Variants in POLR1D observed in about 807,000 individuals in gnomAD.
POLR1D encodes the protein RNA polymerase I and III subunit D, also known as DNA-directed RNA polymerases I and III subunit RPAC2.
Under a neutral mutation model 10.8 loss-of-function variants are expected in POLR1D, and 8 were observed. The ratio of observed to expected loss-of-function variants is 0.74; its 90% confidence interval spans 0.43 to 1.33. The LOEUF (loss-of-function observed/expected upper bound fraction) is 1.33. POLR1D is among the 40% of genes most tolerant of loss of function. The pLI, the probability that POLR1D is intolerant of heterozygous loss-of-function variation, is 0.01. For synonymous variants in POLR1D, 54 were observed against 57.2 expected (o/e 0.94, Z 0.25); for missense variants, 152 against 161.7 (o/e 0.94, Z 0.32).
downstream of POLR1D, among the ~76,000 whole-genome samples, chr13:27,626,583 T>G (rs371704641): frequency 6.6e-6 from 1 of 152,188 alleles, no homozygotes; most frequent in East Asian, 1.9e-4. Context: ...ACTAGGGAGA[T>G]GAATGTGAAT....
chr13:27,622,743 A>C (rs151117322), intron 1 of POLR1D, 132 bp from the exon 2 acceptor site: 3 of 646,894 alleles, frequency 4.6e-6, no homozygotes, highest in Non-Finnish European at 5.5e-6. Context: ...CAGGAAAATG[A>C]GAGGCGAATA....
chr13:27,656,233 G>A (rs970327948), intron 2 of POLR1D, among the ~76,000 whole-genome samples: 1 of 152,166 alleles, frequency 6.6e-6, no homozygotes, highest in Non-Finnish European at 1.5e-5. Context: ...GAAAAGACAA[G>A]TGGTAGACTG....
intron 2 of POLR1D, among the ~76,000 whole-genome samples, chr13:27,661,150 A>T (rs866048385): frequency 1.3e-5 from 2 of 152,296 alleles, no homozygotes; most frequent in East Asian, 3.9e-4. Flanking sequence ...AGCCTTTCCC[A>T]TGGCATGTGG....
At chr13:27,629,275 G>A (rs921194012) in intron 1 of POLR1D, among the ~76,000 whole-genome samples, 37 of 152,302 alleles carry the variant, frequency 2.4e-4, no homozygotes, top group African/African-American at 8.2e-4. Context: ...GGCTCTAGAC[G>A]TTAGCCATGT....
downstream of POLR1D, among the ~76,000 whole-genome samples, chr13:27,627,026 T>C (rs1228289544): frequency 2.6e-5 from 4 of 152,208 alleles, no homozygotes; most frequent in Non-Finnish European, 5.9e-5. Context: ...TAGTTTCCCT[T>C]AAACACGTTA....
intron 1 of POLR1D, among the ~76,000 whole-genome samples, chr13:27,635,968 T>A (rs1956121718): frequency 6.6e-6 from 1 of 152,070 alleles, no homozygotes; most frequent in South Asian, 2.1e-4. Flanking sequence ...CTGCATAATT[T>A]GTCTTCTAAA....
At chr13:27,659,935 T>TAC (rs1375539304) in intron 2 of POLR1D, among the ~76,000 whole-genome samples, 109 of 141,798 alleles carry the variant, frequency 7.7e-4, no homozygotes, top group African/African-American at 2.9e-3. Context: ...TACACACACA[T>TAC]ACACACACAC....
chr13:27,647,394 T>A (rs1478687299), intron 1 of POLR1D, among the ~76,000 whole-genome samples: 1 of 150,360 alleles, frequency 6.7e-6, no homozygotes, highest in African/African-American at 2.4e-5. Flanking sequence ...TATTATTATT[T>A]TTATTTTTTT....
At chr13:27,627,128 T>C (rs971694518), downstream of POLR1D, among the ~76,000 whole-genome samples, 3 of 152,222 alleles carry the variant, frequency 2.0e-5, no homozygotes, top group African/African-American at 4.8e-5. Context: ...ACCTTTAAAC[T>C]GGTCTCTTAG....
At chr13:27,621,752 G>A (rs2232675), upstream of POLR1D, 19,196 of 354,282 alleles carry the variant, frequency 0.054, 664 homozygotes, top group Non-Finnish European at 0.071. Flanking sequence ...GGTGAGCCGC[G>A]GGGCCGCGAG....
At chr13:27,645,910 G>C (rs1420617386) in intron 1 of POLR1D, among the ~76,000 whole-genome samples, 3 of 152,182 alleles carry the variant, frequency 2.0e-5, no homozygotes, top group Non-Finnish European at 4.4e-5. Flanking sequence ...CTAAAGAAGA[G>C]TCACTGTCAA....
At chr13:27,649,780 G>C (rs752421413) in intron 2 of POLR1D, among the ~76,000 whole-genome samples, 4 of 152,126 alleles carry the variant, frequency 2.6e-5, no homozygotes, top group African/African-American at 9.7e-5. Flanking sequence ...TGAGCACCCC[G>C]GTGCCAAAAC....
At chr13:27,665,705 A>G in exon 3 of POLR1D, 3 of 1,613,856 alleles carry the variant, frequency 1.9e-6, no homozygotes, top group Non-Finnish European at 2.5e-6. Context: ...TCCTCTTGCT[A>G]GCACCAATAA....
chr13:27,621,948 C>T lies in POLR1D; in HGVS notation c.-36C>T, dbSNP rs1011974460. 19 of 1,581,750 alleles carry T rather than the reference C, an allele frequency of 1.2e-5. No homozygotes were observed. The highest frequency in any genetic ancestry group is 1.6e-5 in the Non-Finnish European group (19 of 1,163,582). On this transcript the variant is annotated 5_prime_UTR_variant, in exon 1 of 2. Coordinates refer to ENST00000302979, the MANE Select transcript of POLR1D (RefSeq NM_015972.4). ...GCTATGGGACAGAGCCCCCGATCCG[C>T]CAGCACCACCTGAGGATCCAGAAAC...
chr13:27,644,238 T>C (rs942412446), intron 1 of POLR1D, among the ~76,000 whole-genome samples: 10 of 152,226 alleles, frequency 6.6e-5, no homozygotes, highest in African/African-American at 1.9e-4. Context: ...TGGTGCTTTA[T>C]TTCAGTTGCC....
chr13:27,659,802 C>A (rs992314916), intron 2 of POLR1D, among the ~76,000 whole-genome samples: 1 of 152,000 alleles, frequency 6.6e-6, no homozygotes, highest in African/African-American at 2.4e-5. Flanking sequence ...CTTCCCCTAC[C>A]TTCTGTTCCT....
At chr13:27,650,214 A>G (rs970972857) in intron 2 of POLR1D, 2 of 394,726 alleles carry the variant, frequency 5.1e-6, no homozygotes, top group African/African-American at 2.1e-5. Flanking sequence ...TCAGCATTCA[A>G]AGTTTTTATT....
intron 1 of POLR1D, among the ~76,000 whole-genome samples, chr13:27,630,240 T>C (rs1956060267): frequency 6.6e-6 from 1 of 152,196 alleles, no homozygotes; most frequent in Non-Finnish European, 1.5e-5. Context: ...CTGTTCATTA[T>C]GCAAGGCACT....
At chr13:27,664,742 T>C (rs1187023910) in intron 2 of POLR1D, 2 of 152,252 alleles carry the variant, frequency 1.3e-5, no homozygotes, top group Non-Finnish European at 2.9e-5. Context: ...GAAGTATTGT[T>C]TGGGGTTCTC....
Sources: gnomAD v4.1 joint callset for allele counts (sites outside exome capture counted in the v4.1 genomes callset) on GRCh38, gnomAD v4.1.1 for gene constraint, MANE v1.5 for transcripts, NCBI Gene and HGNC (gene_info 2026-07-23, HGNC 2026-07-21) for gene names.